The following PRRC2B variants were observed in gnomAD, a reference collection of about 807,000 sequenced individuals.
PRRC2B encodes protein PRRC2B.
PRRC2B carries 68 observed loss-of-function variants against 242.3 expected under a neutral mutation model. The ratio of observed to expected loss-of-function variants is 0.28; its 90% CI spans 0.23 to 0.34. The LOEUF (loss-of-function observed/expected upper bound fraction) is 0.34. Ranked by LOEUF, PRRC2B falls within the 10% of genes least tolerant of loss-of-function variation. The probability of loss-of-function intolerance (pLI) is 1.00; values close to 1 mark genes in which losing one functional copy is unlikely to be tolerated. For missense variants in PRRC2B, 2,835 were observed against 2,954.8 expected (o/e 0.96, Z 0.94); for synonymous variants, 1,228 against 1,173.6 (o/e 1.05, Z -0.95).
At chr9:131,418,106 G>A (rs1224551568) in intron 1 of PRRC2B, among the ~76,000 whole-genome samples, 1 of 152,246 alleles carries the variant, frequency 6.6e-6, no homozygotes, top group African/African-American at 2.4e-5. Context: ...CAGCTGCAGG[G>A]GGTGATGGTG....
intron 13 of PRRC2B, 116 bp from the exon 14 acceptor site, chr9:131,470,672 C>G (rs1943517106): frequency 1.3e-6 from 1 of 766,738 alleles, no homozygotes; most frequent in South Asian, 1.8e-5. Flanking sequence ...CCTTGGTCTT[C>G]TGTTCTAGGT....
chr9:131,463,628 C>CTTTTTTTTTTTTT (rs374951504), intron 11 of PRRC2B, among the ~76,000 whole-genome samples: 3 of 125,780 alleles, frequency 2.4e-5, no homozygotes, highest in African/African-American at 3.0e-5. Flanking sequence ...TTTAGGCATG[C>CTTTTTTTTTTTTT]TTTTTTTTTT....
intron 1 of PRRC2B, among the ~76,000 whole-genome samples, chr9:131,401,717 A>G (rs1003268375): frequency 2.6e-5 from 4 of 151,340 alleles, no homozygotes; most frequent in African/African-American, 9.7e-5. Context: ...CTGGAGTGCA[A>G]TGGCGCGATC....
chr9:131,421,588 C>G (rs12553750), intron 1 of PRRC2B, among the ~76,000 whole-genome samples: 19,304 of 152,248 alleles, frequency 0.13, 1,312 homozygotes, highest in African/African-American at 0.15. Flanking sequence ...CCACCTTTCT[C>G]TCTCACTGCC....
chr9:131,488,090 C>G lies in PRRC2B; in HGVS notation c.6219C>G (p.Leu2073=). ...CCTCCCAGATGTTGGACTCCCAGCT[C>G]CCACAGGTCAGGAATTCAGTCACTC... The part of the protein sequence containing the change: ...LGASQMLDSQ[L]PQLTMPLPRY... The change falls in exon 28 of 32, where the codon CTC becomes CTG. Residue 2073 remains leucine (L), a synonymous_variant. Transcript: ENST00000683519. The G allele has an allele frequency of 6.2e-7, 1 of 1,612,480 alleles. No homozygotes were observed. The highest frequency in any genetic ancestry group is 8.5e-7 in the Non-Finnish European group (1 of 1,178,894).
At position 131,444,335 on chromosome 9, in the gene PRRC2B, G is replaced by A. The variant is rs1838714191; in HGVS notation, c.613+7G>A. The stretch of plus-strand genomic sequence containing the variant: ...CCAAGCCTCCGCCCTCAGAGTAAGT[G>A]ACTGCAGCCTCTGGGCACTCGATGG... On this transcript the variant is annotated splice_region_variant and intron_variant, in intron 6 of 31. Coordinates refer to ENST00000683519, the MANE Select transcript of PRRC2B (RefSeq NM_013318.4). 6.2e-7 allele frequency: 1 copy of A among 1,609,972 alleles called. No homozygotes were observed. The highest frequency in any genetic ancestry group is 8.5e-7 in the Non-Finnish European group (1 of 1,178,174).
Position 131,476,485 on chromosome 9 carries a change from C to T in PRRC2B, c.4356C>T (p.Thr1452=), listed in dbSNP as rs1943703772. 2 of 1,611,670 alleles carry T rather than the reference C, an allele frequency of 1.2e-6. No individual in the cohort carries two copies. The highest frequency in any genetic ancestry group is 8.5e-7 in the Non-Finnish European group (1 of 1,178,892). Residue 1452 remains threonine (T), a synonymous_variant, in exon 16 of 32, where the codon ACC becomes ACT. Transcript: ENST00000683519. ...CCGTTAGGCCAGGTGGTGGTGACAC[C>T]TCCCCTCGCTATGAGAGCCAACAGA... ...EKPVRPGGGD[T]SPRYESQQNG... is the part of the protein sequence containing the mutation.
chr9:131,478,917 C>T (rs563801062), intron 18 of PRRC2B, among the ~76,000 whole-genome samples: 60 of 152,200 alleles, frequency 3.9e-4, no homozygotes, highest in Middle Eastern at 3.4e-3. Flanking sequence ...TGCAGACCTC[C>T]GTCACCTCCC....
intron 1 of PRRC2B, among the ~76,000 whole-genome samples, chr9:131,418,306 TAG>T (rs908832902): frequency 1.3e-5 from 2 of 152,234 alleles, no homozygotes; most frequent in Non-Finnish European, 2.9e-5. Flanking sequence ...AACTTGTGTG[TAG>T]AGAGAGAGCT....
intron 9 of PRRC2B, among the ~76,000 whole-genome samples, chr9:131,453,162 C>T (rs1942973336): frequency 1.3e-5 from 2 of 152,206 alleles, no homozygotes; most frequent in African/African-American, 2.4e-5. Context: ...ACATTTCCCT[C>T]GTTATCTCTA....
chr9:131,404,164 T>G (rs1370037244), intron 1 of PRRC2B, among the ~76,000 whole-genome samples: 3 of 151,380 alleles, frequency 2.0e-5, no homozygotes, highest in Admixed American at 6.6e-5. Flanking sequence ...TACAGGTGTG[T>G]AAAAGAAGAA....
rs370211739 is a variant in PRRC2B, at chr9:131,475,512, G to A, written c.3383G>A (p.Arg1128Gln). 9 of 1,608,992 alleles carry A rather than the reference G, an allele frequency of 5.6e-6. No homozygotes were observed. The highest frequency in any genetic ancestry group is 2.7e-5 in the African/African-American group (2 of 74,710). ...PEDCPRAKPRRRVASETHSEG... is the reference protein window; with the variant it reads ...PEDCPRAKPRQRVASETHSEG... ...GACTGCCCCAGAGCCAAGCCCCGAC[G>A]GAGAGTTGCCAGTGAGACCCATAGC... The change falls in exon 16 of 32, where the codon CGG becomes CAG. Residue 1128 changes from arginine to glutamine, a missense_variant. Physicochemically the swap from Arg to Gln is conservative, Grantham distance 43. This residue lies in a region of PRRC2B where 1,536 missense variants were observed against 1,483.1 expected (regional missense o/e 1.04). Coordinates refer to ENST00000683519, the MANE Select transcript of PRRC2B (RefSeq NM_013318.4).
In PRRC2B at chr9:131,479,280, C is replaced by T; in HGVS notation, c.4787C>T (p.Ser1596Phe). The change falls in exon 19 of 32, where the codon TCC becomes TTC. Residue 1596 changes from serine (S) to phenylalanine (F), a missense_variant. By Grantham distance (155) the Ser-to-Phe change is radical (BLOSUM62 -2). Around this residue, in one of 7 missense-constraint regions of PRRC2B, gnomAD observed 1,536 missense variants for 1,483.1 expected, o/e 1.04. Transcript: ENST00000683519. ...QVPVKGRGLS[S>F]RIPPRFAKKQ... ...CCTGTCAAAGGTCGAGGCCTTTCCT[C>T]CCGTATTCCTCCTCGATTTGCAAAA... 6.2e-7 allele frequency: 1 copy of T among 1,613,890 alleles called. No homozygotes were observed. Among genetic ancestry groups the T allele is most frequent in the Non-Finnish European group, 8.5e-7 (1 of 1,179,840 alleles).
chr9:131,476,895 G>A (rs1006059300), intron 16 of PRRC2B, among the ~76,000 whole-genome samples: 13 of 152,314 alleles, frequency 8.5e-5, no homozygotes, highest in African/African-American at 2.9e-4. Context: ...CCTCTGCTCC[G>A]GAGTTGCTGC....
chr9:131,481,737 C>T lies in PRRC2B; in HGVS notation c.4912C>T (p.Gln1638Ter). 6.4e-7 allele frequency: 1 copy of T among 1,562,984 alleles called. No individual in the cohort carries two copies. The change falls in exon 20 of 32, where the codon CAG becomes TAG. Residue 1638 changes from glutamine to a stop codon, truncating the protein, a stop_gained. Transcript: ENST00000683519. LOFTEE classifies it high-confidence loss of function. ...TCCTCCCCTGGCAGCTCTCCCTGTG[C>T]AGGCCCCAGCCAACGACTCCTGGAG... ...WESSSQALPV[Q>*]APANDSWRKA...
Position 131,475,624 on chromosome 9 carries a change from G to T in PRRC2B, c.3495G>T (p.Glu1165Asp). 2 of 1,612,102 alleles carry T rather than the reference G, an allele frequency of 1.2e-6. No individual in the cohort carries two copies. The highest frequency in any genetic ancestry group is 1.7e-6 in the Non-Finnish European group (2 of 1,179,426). ...ATGAAGGCTCGCTCCTGGAGAGGGAGGAGAGCACCTTGAAGAAGGGCGACT... is the reference window on the plus strand; with the variant it reads ...ATGAAGGCTCGCTCCTGGAGAGGGATGAGAGCACCTTGAAGAAGGGCGACT... ...NGNEGSLLER[E>D]ESTLKKGDCR... Residue 1165 changes from glutamate (E) to aspartate (D), a missense_variant, in exon 16 of 32, where the codon GAG (glutamate) becomes GAT (aspartate). Coordinates refer to ENST00000683519, the MANE Select transcript of PRRC2B (RefSeq NM_013318.4).
chr9:131,484,639 T>C (rs370335358), intron 23 of PRRC2B, 47 bp from the exon 24 acceptor site: 18 of 1,496,204 alleles, frequency 1.2e-5, no homozygotes, highest in Non-Finnish European at 1.5e-5. Flanking sequence ...GGCAAAGCCA[T>C]CTCTGCACCT....
At chr9:131,467,832 C>A in intron 13 of PRRC2B, 79 bp downstream of exon 13, 1 of 1,427,478 alleles carries the variant, frequency 7.0e-7, no homozygotes. Flanking sequence ...CGTCCCCATG[C>A]CCCACCTCCA....
chr9:131,399,437 G>A (rs34290390), intron 1 of PRRC2B, among the ~76,000 whole-genome samples: 1,932 of 151,788 alleles, frequency 0.013, 22 homozygotes, highest in Middle Eastern at 0.031. Flanking sequence ...AAATTAGCCG[G>A]GCGTGGTGGC....
Sources: gnomAD v4.1 joint callset for allele counts (sites outside exome capture counted in the v4.1 genomes callset) on GRCh38, gnomAD v4.1.1 for gene constraint, gnomAD v4.1.1 regional missense constraint, MANE v1.5 for transcripts, NCBI Gene and HGNC (gene_info 2026-07-23, HGNC 2026-07-21) for gene names.